ZIC4: variants seen among roughly 807,000 people sequenced by gnomAD.
The protein encoded by ZIC4 is zinc finger protein ZIC 4.
In ZIC4, 15 loss-of-function variants were observed where a neutral mutation model predicts 28.8. That is an observed-to-expected ratio of 0.52 (90% CI 0.35 to 0.80). The LOEUF is 0.80. Ranked by LOEUF, ZIC4 falls within the 30% of genes least tolerant of loss-of-function variation. ZIC4 has a pLI of 0.01. For missense variants in ZIC4, 512 were observed against 467.1 expected (o/e 1.10, Z -0.89); for synonymous variants, 220 against 198.1 (o/e 1.11, Z -0.93).
intron 3 of ZIC4, among the ~76,000 whole-genome samples, chr3:147,395,543 T>A (rs1351393917): frequency 6.6e-6 from 1 of 152,182 alleles, no homozygotes; most frequent in African/African-American, 2.4e-5. Flanking sequence ...TGGGGAACAA[T>A]GCTGTTTTAA....
At chr3:147,395,499 AAGTT>A (rs112991771) in intron 3 of ZIC4, among the ~76,000 whole-genome samples, 71 of 152,304 alleles carry the variant, frequency 4.7e-4, no homozygotes, top group African/African-American at 1.6e-3. Context: ...ACAAGGAAAA[AAGTT>A]AGACAGCTGT....
chr3:147,401,558 G>A (rs1302068985), intron 2 of ZIC4, among the ~76,000 whole-genome samples: 4 of 152,084 alleles, frequency 2.6e-5, no homozygotes, highest in Non-Finnish European at 5.9e-5. Context: ...CCTAAACAGA[G>A]GTAAATTTCT....
chr3:147,401,782 T>C (rs957768559), intron 2 of ZIC4, among the ~76,000 whole-genome samples: 9 of 152,246 alleles, frequency 5.9e-5, no homozygotes, highest in African/African-American at 1.9e-4. Context: ...TTAATGGAAC[T>C]GAGTATGGAA....
rs183618097 is a variant in ZIC4 at position 147,392,140 on chromosome 3, C to A, written c.689-894G>T. 1,327 of 985,644 alleles carry A rather than the reference C, an allele frequency of 1.3e-3. 49 individuals carry two copies. In the Admixed American group the frequency reaches 0.059, roughly 44 times the overall value. 61.1% of individuals were successfully genotyped at this position (985,644 alleles called of 1,614,324 possible). A position where few individuals can be genotyped will look rare whatever the true frequency, so the allele number is the denominator to read the frequency against. On this transcript the variant is annotated intron_variant, in intron 3 of 4. Coordinates refer to ENST00000383075, the MANE Select transcript of ZIC4 (RefSeq NM_032153.6). Reference sequence around the variant, plus strand: ...ACCCCCACCTGGCTGTCGGGCCTCTCGGTCCTAAGACGAGGGGTTGGCGCG... The same window carrying A: ...ACCCCCACCTGGCTGTCGGGCCTCTAGGTCCTAAGACGAGGGGTTGGCGCG...
chr3:147,390,710 A>G (rs2086893168), intron 4 of ZIC4, among the ~76,000 whole-genome samples: 1 of 152,212 alleles, frequency 6.6e-6, no homozygotes. Context: ...AGCTCCAGCA[A>G]CTATTACAGG....
At chr3:147,392,091 G>A (rs2086935959) in intron 3 of ZIC4, 6 of 985,448 alleles carry the variant, frequency 6.1e-6, no homozygotes, top group Admixed American at 6.1e-5. Context: ...ACTGACTTGC[G>A]ATGTCGACCG....
In ZIC4 at chr3:147,403,145, A is replaced by C. The variant is rs539010217; in HGVS notation, c.-15-333T>G. Among the ~76,000 whole-genome samples the C allele has an allele frequency of 5.0e-4, 76 of 152,206 alleles. 1 individual carries two copies. In the South Asian group the frequency reaches 0.01, roughly 21 times the overall value. ...AAAATCTGTAGCTTCCCAAATTTGA[A>C]TTAATTGCGTAAGAAACCTTATTAT... On this transcript the variant is annotated intron_variant, in intron 1 of 4. Transcript: ENST00000383075.
At chr3:147,399,310 C>T (rs1278596538) in intron 2 of ZIC4, among the ~76,000 whole-genome samples, 3 of 152,156 alleles carry the variant, frequency 2.0e-5, no homozygotes, top group Admixed American at 1.3e-4. Context: ...GCCAGGTCTC[C>T]AGTGAAAGGT....
At chr3:147,391,267 ACATTAGTG>A (rs772926614) in intron 3 of ZIC4, 21 bp from the exon 4 acceptor site, 1 of 1,557,122 alleles carries the variant, frequency 6.4e-7, no homozygotes, top group South Asian at 1.2e-5. Context: ...CAACGCAGAG[ACATTAGTG>A]CTTGTGGGTC....
Position 147,396,888 on chromosome 3 carries a change from A to C in ZIC4, c.71-419T>G. The C allele has an allele frequency of 6.2e-6, 1 of 161,466 alleles. No individual in the cohort carries two copies. 10.0% of individuals were successfully genotyped at this position (161,466 alleles called of 1,614,324 possible). A position where few individuals can be genotyped will look rare whatever the true frequency, so the allele number is the denominator to read the frequency against. ...GGGAGTGGAGGTGACAGAAATGATGATGTTGGAGGTGGTGGTGGTTCTGAA... is the reference window on the plus strand; with the variant it reads ...GGGAGTGGAGGTGACAGAAATGATGCTGTTGGAGGTGGTGGTGGTTCTGAA... On this transcript the variant is annotated intron_variant, in intron 2 of 4. Coordinates refer to ENST00000383075, the MANE Select transcript of ZIC4 (RefSeq NM_032153.6). This position sits in a 1 kb window ranked among gnomAD's most constrained non-coding sequence, Gnocchi z 4.2.
intron 3 of ZIC4, among the ~76,000 whole-genome samples, chr3:147,394,684 G>A (rs1299147839): frequency 6.6e-6 from 1 of 152,116 alleles, no homozygotes; most frequent in African/African-American, 2.4e-5. Flanking sequence ...AGAACTCAGG[G>A]AAACCGTACA....
At chr3:147,404,061 A>G (rs1559966136) in intron 1 of ZIC4, 1 of 1,537,208 alleles carries the variant, frequency 6.5e-7, no homozygotes, top group Admixed American at 2.0e-5. Context: ...CAGGAAAGAA[A>G]GGAGGCCTAA....
rs182789743 is a variant in ZIC4 at position 147,402,833 on chromosome 3, G to A, written c.-15-21C>T. 306 of 1,606,810 alleles carry A rather than the reference G, an allele frequency of 1.9e-4. No individual in the cohort carries two copies. In the African/African-American group the frequency reaches 3.5e-3, roughly 18 times the overall value. On this transcript the variant is annotated intron_variant, in intron 1 of 4. Transcript: ENST00000383075. ...TGAGCCTGTTTGGGAAGAAAAGAGT[G>A]ACAGTCACTAGTTAAACAATTTTAC...
chr3:147,390,282 G>C (rs1211424868), intron 4 of ZIC4, among the ~76,000 whole-genome samples: 2 of 151,992 alleles, frequency 1.3e-5, no homozygotes, highest in Admixed American at 6.6e-5. Flanking sequence ...GGATACCTAG[G>C]GAAGGGGAAA....
rs2086819687 is a variant in ZIC4, at chr3:147,387,673, G to C, written c.*1186C>G. 6.6e-6 allele frequency: 1 copy of C among 152,586 alleles called. No homozygotes were observed. The highest frequency in any genetic ancestry group is 2.4e-5 in the African/African-American group (1 of 41,420). The allele number at this position is 152,586 out of a possible 1,614,324, so 9.5% of individuals were successfully genotyped here. A position where few individuals can be genotyped will look rare whatever the true frequency, so the allele number is the denominator to read the frequency against. Reference sequence around the variant, plus strand: ...CATCCCCTTGGCCTTGGGCTCTTGAGTTTGCATCTAGGACTAGTCCAGGCC... The same window carrying C: ...CATCCCCTTGGCCTTGGGCTCTTGACTTTGCATCTAGGACTAGTCCAGGCC... On this transcript the variant is annotated 3_prime_UTR_variant, in exon 5 of 5. Transcript: ENST00000383075.
At chr3:147,395,649 C>T (rs977976263) in intron 3 of ZIC4, among the ~76,000 whole-genome samples, 3 of 152,142 alleles carry the variant, frequency 2.0e-5, no homozygotes, top group African/African-American at 7.2e-5. Context: ...ACAGAAATCC[C>T]GCACTATCCT....
chr3:147,404,046 CA>C, intron 1 of ZIC4: 1 of 1,537,180 alleles, frequency 6.5e-7, no homozygotes, highest in Non-Finnish European at 8.7e-7. Flanking sequence ...CCTTCCAGCA[CA>C]AATCAGGAAA....
intron 1 of ZIC4, 43 bp from the exon 2 acceptor site, chr3:147,402,855 T>G: frequency 1.3e-6 from 2 of 1,544,930 alleles, no homozygotes; most frequent in Middle Eastern, 1.7e-4. Context: ...TTAAACAATT[T>G]TACACGTCTG....
chr3:147,390,057 T>A (rs1483306442), intron 4 of ZIC4, among the ~76,000 whole-genome samples: 1 of 152,168 alleles, frequency 6.6e-6, no homozygotes, highest in East Asian at 1.9e-4. Flanking sequence ...CTGTATTTCT[T>A]GTTGTTTTGA....
Sources: gnomAD v4.1 joint callset for allele counts (sites outside exome capture counted in the v4.1 genomes callset) on GRCh38, gnomAD v4.1.1 for gene constraint, Gnocchi (gnomAD v3.1) non-coding constraint, MANE v1.5 for transcripts, NCBI Gene and HGNC (gene_info 2026-07-23, HGNC 2026-07-21) for gene names.